The following RNF214 variants were observed in gnomAD, a reference collection of about 807,000 sequenced individuals.
The protein encoded by RNF214 is ring finger protein 214.
Under a neutral mutation model 75.9 loss-of-function variants are expected in RNF214, and 25 were observed. The ratio of observed to expected loss-of-function variants is 0.33; its 90% CI spans 0.24 to 0.46. The LOEUF (loss-of-function observed/expected upper bound fraction) is 0.46, where lower values mean the gene tolerates loss of function less well. Ranked by LOEUF, RNF214 falls within the 20% of genes least tolerant of loss-of-function variation. The probability of loss-of-function intolerance (pLI) is 1.00; values close to 1 mark genes in which losing one functional copy is unlikely to be tolerated. For synonymous variants in RNF214, 314 were observed against 308.8 expected (o/e 1.02, Z -0.18); for missense variants, 725 against 857.5 (o/e 0.85, Z 1.93).
chr11:117,240,976 C>T (rs894791906), intron 4 of RNF214, among the ~76,000 whole-genome samples: 2 of 151,124 alleles, frequency 1.3e-5, no homozygotes, highest in Non-Finnish European at 3.0e-5. Context: ...CGCAGGAGTT[C>T]GAGACCAGCC....
chr11:117,269,967 CT>C (rs1420175158), intron 6 of RNF214, among the ~76,000 whole-genome samples: 1 of 152,184 alleles, frequency 6.6e-6, no homozygotes, highest in Admixed American at 6.5e-5. Flanking sequence ...AATGAAAAGT[CT>C]TACCTGGACG....
chr11:117,271,020 C>T (rs2033900676), intron 6 of RNF214, among the ~76,000 whole-genome samples: 1 of 152,186 alleles, frequency 6.6e-6, no homozygotes, highest in Non-Finnish European at 1.5e-5. Context: ...CTGTCTCAGC[C>T]ACCCAAGTAG....
intron 6 of RNF214, among the ~76,000 whole-genome samples, chr11:117,258,085 CT>C (rs543737027): frequency 1.4e-4 from 21 of 146,600 alleles, no homozygotes; most frequent in Admixed American, 2.1e-4. Context: ...TTTTCTTTTT[CT>C]TTTTTTTTTT....
intron 6 of RNF214, among the ~76,000 whole-genome samples, chr11:117,253,514 T>G (rs2033449483): frequency 6.6e-6 from 1 of 152,190 alleles, no homozygotes; most frequent in Non-Finnish European, 1.5e-5. Flanking sequence ...GCTCTTCCAG[T>G]GCAGAACCTC....
intron 6 of RNF214, among the ~76,000 whole-genome samples, chr11:117,260,917 G>A (rs112383890): frequency 6.7e-6 from 1 of 148,902 alleles, no homozygotes; most frequent in Non-Finnish European, 1.5e-5. Context: ...GCGTCCCAAA[G>A]TGCTGGGATT....
At chr11:117,266,212 C>G (rs1421259525) in intron 6 of RNF214, among the ~76,000 whole-genome samples, 1 of 152,024 alleles carries the variant, frequency 6.6e-6, no homozygotes, top group Non-Finnish European at 1.5e-5. Flanking sequence ...TAGTTTATTT[C>G]AAGATTTTCC....
intron 6 of RNF214, among the ~76,000 whole-genome samples, chr11:117,255,896 C>G (rs1270666251): frequency 6.6e-6 from 1 of 152,074 alleles, no homozygotes; most frequent in East Asian, 1.9e-4. Flanking sequence ...ATGTCATTTC[C>G]CTGCTTAAAT....
chr11:117,234,242 CTGTAATTTGTTTCTGAATG>C lies in RNF214; in HGVS notation c.-6-23_-6-5del. On this transcript the variant is annotated splice_region_variant and splice_polypyrimidine_tract_variant and intron_variant, in intron 1 of 14. Coordinates refer to ENST00000300650, the MANE Select transcript of RNF214 (RefSeq NM_207343.4). ...GTTTTAAACTTTGGAAACTTGTAGC[CTGTAATTTGTTTCTGAATG>C]TACAGAGCATAATGGCAGCGTCTGA... The C allele has an allele frequency of 6.5e-7, 1 of 1,542,358 alleles. No homozygotes were observed. Among genetic ancestry groups the C allele is most frequent in the Non-Finnish European group, 9.0e-7 (1 of 1,114,730 alleles).
chr11:117,267,860 G>A (rs1484956211), intron 6 of RNF214, among the ~76,000 whole-genome samples: 1 of 152,072 alleles, frequency 6.6e-6, no homozygotes, highest in Non-Finnish European at 1.5e-5. Flanking sequence ...CCACTGTTGG[G>A]GAAATACAAT....
At chr11:117,252,733 G>A (rs1466428531) in intron 6 of RNF214, among the ~76,000 whole-genome samples, 1 of 151,636 alleles carries the variant, frequency 6.6e-6, no homozygotes, top group Non-Finnish European at 1.5e-5. Flanking sequence ...TGTTAGCCAG[G>A]ATGGTCTCGC....
chr11:117,263,383 C>A (rs1017946134), intron 6 of RNF214, among the ~76,000 whole-genome samples: 4 of 151,874 alleles, frequency 2.6e-5, no homozygotes, highest in Admixed American at 2.0e-4. Flanking sequence ...GCAAGCGATT[C>A]TCCTGCCTCA....
chr11:117,234,142 G>T, intron 1 of RNF214, 125 bp from the exon 2 acceptor site: 2 of 697,648 alleles, frequency 2.9e-6, no homozygotes, highest in East Asian at 2.5e-5. Context: ...ATTTTCTCCC[G>T]GAGCCCAGGT....
intron 6 of RNF214, among the ~76,000 whole-genome samples, chr11:117,270,236 CTTTTCTTTT>C (rs2033880024): frequency 1.1e-5 from 1 of 93,362 alleles, no homozygotes; most frequent in African/African-American, 4.3e-5. Context: ...CTTTTCTTTT[CTTTTCTTTT>C]TTTTTTTTTT....
Position 117,238,894 on chromosome 11 carries a change from C to T in RNF214, c.401C>T (p.Ser134Phe), listed in dbSNP as rs774536692. 1.1e-5 allele frequency: 17 copies of T among 1,614,072 alleles called. No individual in the cohort carries two copies. The highest frequency in any genetic ancestry group is 1.4e-5 in the Non-Finnish European group (16 of 1,180,048). The change falls in exon 3 of 15, where the codon TCT becomes TTT. Residue 134 changes from serine to phenylalanine, a missense_variant. By Grantham distance (155) the Ser-to-Phe change is radical (BLOSUM62 -2). This residue lies in a region of RNF214 where 362 missense variants were observed against 344.5 expected (regional missense o/e 1.05). Transcript: ENST00000300650. Reference sequence around the variant, plus strand: ...GAGAGCCTCCATCCAGTCACTCGGTCTCTTAAGGCAGGGTGCCATACTAAG... The same window carrying T: ...GAGAGCCTCCATCCAGTCACTCGGTTTCTTAAGGCAGGGTGCCATACTAAG... Reference protein sequence around the residue: ...LRESLHPVTRSLKAGCHTKQL... With the variant: ...LRESLHPVTRFLKAGCHTKQL...
intron 6 of RNF214, among the ~76,000 whole-genome samples, chr11:117,275,902 C>T (rs2034007430): frequency 6.6e-6 from 1 of 152,118 alleles, no homozygotes; most frequent in Non-Finnish European, 1.5e-5. Flanking sequence ...CCAGTCTCAC[C>T]CTGATACCAA....
chr11:117,254,802 T>G (rs2033482089), intron 6 of RNF214, among the ~76,000 whole-genome samples: 1 of 152,110 alleles, frequency 6.6e-6, no homozygotes, highest in Admixed American at 6.6e-5. Context: ...TTTTTATATT[T>G]TTATTAGAGA....
At chr11:117,275,930 AC>A (rs1224560861) in intron 6 of RNF214, among the ~76,000 whole-genome samples, 3 of 152,226 alleles carry the variant, frequency 2.0e-5, no homozygotes, top group Non-Finnish European at 4.4e-5. Flanking sequence ...AAAGGACACA[AC>A]AAAAAAAGAA....
intron 6 of RNF214, among the ~76,000 whole-genome samples, chr11:117,277,062 G>A (rs2034028831): frequency 6.6e-6 from 1 of 152,198 alleles, no homozygotes; most frequent in South Asian, 2.1e-4. Flanking sequence ...GAATTATTAG[G>A]CTGGGTATAG....
At chr11:117,246,122 A>G (rs1396717050) in intron 5 of RNF214, among the ~76,000 whole-genome samples, 1 of 151,924 alleles carries the variant, frequency 6.6e-6, no homozygotes, top group Non-Finnish European at 1.5e-5. Flanking sequence ...GTGCCACCAC[A>G]CCTGGCTAAT....
Sources: gnomAD v4.1 joint callset for allele counts (sites outside exome capture counted in the v4.1 genomes callset) on GRCh38, gnomAD v4.1.1 for gene constraint, gnomAD v4.1.1 regional missense constraint, MANE v1.5 for transcripts, NCBI Gene and HGNC (gene_info 2026-07-23, HGNC 2026-07-21) for gene names.